Variants in GRID1 observed in about 807,000 individuals in gnomAD.
The protein encoded by GRID1 is glutamate receptor ionotropic, delta-1.
Under a neutral mutation model 98.0 loss-of-function variants are expected in GRID1, and 28 were observed. That is an observed-to-expected ratio of 0.29 (90% CI 0.21 to 0.39). GRID1 has a LOEUF of 0.39. Ranked by LOEUF, GRID1 falls within the 10% of genes least tolerant of loss-of-function variation. The pLI, the probability that GRID1 is intolerant of heterozygous loss-of-function variation, is 1.00. For missense variants in GRID1, 1,111 were observed against 1,340.5 expected, an observed-to-expected ratio of 0.83 and a Z score of 2.67; for synonymous variants, 553 against 538.5, an observed-to-expected ratio of 1.03 and a Z score of -0.37.
chr10:85,726,790 T>C (rs1307028328), intron 10 of GRID1, among the ~76,000 whole-genome samples: 1 of 152,174 alleles, frequency 6.6e-6, no homozygotes, highest in Non-Finnish European at 1.5e-5. Context: ...TATAAGTAGG[T>C]ATGAAAGATA....
intron 2 of GRID1, among the ~76,000 whole-genome samples, chr10:86,217,823 G>A (rs1243281882): frequency 6.6e-6 from 1 of 152,118 alleles, no homozygotes; most frequent in Non-Finnish European, 1.5e-5. Flanking sequence ...CCACTGAGAA[G>A]CCCATGAAGG....
intron 4 of GRID1, among the ~76,000 whole-genome samples, chr10:86,127,254 G>A (rs1336031314): frequency 6.6e-6 from 1 of 152,180 alleles, no homozygotes; most frequent in Non-Finnish European, 1.5e-5. Flanking sequence ...CTCCCCCAAA[G>A]CACCCAGTGT....
chr10:86,315,038 T>C lies in GRID1; in HGVS notation c.235+48903A>G, dbSNP rs148661027. Among the ~76,000 whole-genome samples the C allele has an allele frequency of 3.7e-3, 560 of 152,166 alleles. 4 individuals are homozygous for C. Among genetic ancestry groups the C allele is most frequent in the African/African-American group, 0.013 (540 of 41,500 alleles). On this transcript the variant is annotated intron_variant, in intron 2 of 15. Coordinates refer to ENST00000327946, the MANE Select transcript of GRID1 (RefSeq NM_017551.3). ...CGCCCACTGCTGGCATCCGATCCTGTTGTGCCGCACCCAGTTCAGAGCCGC... is the reference window on the plus strand; with the variant it reads ...CGCCCACTGCTGGCATCCGATCCTGCTGTGCCGCACCCAGTTCAGAGCCGC...
intron 4 of GRID1, among the ~76,000 whole-genome samples, chr10:86,127,787 G>A (rs1232717182): frequency 6.6e-6 from 1 of 152,054 alleles, no homozygotes; most frequent in African/African-American, 2.4e-5. Context: ...CTGCCAGGCT[G>A]GCCACAGCTC....
At chr10:86,180,762 C>T (rs1428546489) in intron 3 of GRID1, among the ~76,000 whole-genome samples, 5 of 152,162 alleles carry the variant, frequency 3.3e-5, no homozygotes, top group African/African-American at 7.2e-5. Context: ...CCACCACCTG[C>T]GGCCAGGCCC....
intron 4 of GRID1, among the ~76,000 whole-genome samples, chr10:86,116,401 C>G (rs2131955781): frequency 6.6e-6 from 1 of 152,314 alleles, no homozygotes; most frequent in Admixed American, 6.5e-5. Context: ...CAAGGCTGCT[C>G]TCTCCCGCAA....
chr10:85,786,762 C>A (rs1195622923), intron 8 of GRID1, among the ~76,000 whole-genome samples: 1 of 152,218 alleles, frequency 6.6e-6, no homozygotes, highest in Admixed American at 6.5e-5. Flanking sequence ...CCCGCCAGGA[C>A]CCGGCTGATA....
chr10:85,976,807 T>C (rs560643137), intron 4 of GRID1, among the ~76,000 whole-genome samples: 1 of 152,342 alleles, frequency 6.6e-6, no homozygotes, highest in African/African-American at 2.4e-5. Flanking sequence ...GGACTGACAG[T>C]CTTCAAAGGC....
At position 85,763,674 on chromosome 10, in the gene GRID1, C is replaced by T. The variant is rs763943539; in HGVS notation, c.1234-34060G>A. Among the ~76,000 whole-genome samples the T allele has an allele frequency of 3.7e-4, 56 of 152,234 alleles. No individual in the cohort carries two copies. In the Middle Eastern group the frequency reaches 0.01, roughly 28 times the overall value. ...GCACTCACATGGTGATGCAGGTATC[C>T]CTCCTATTTTTAAGCAGTGTCCTCT... On this transcript the variant is annotated intron_variant, in intron 8 of 15. Transcript: ENST00000327946.
intron 4 of GRID1, among the ~76,000 whole-genome samples, chr10:86,012,800 C>T (rs1221901647): frequency 6.6e-6 from 1 of 152,206 alleles, no homozygotes. Flanking sequence ...TCAGCAGACG[C>T]TGAATCTGCT....
At chr10:86,093,322 G>C (rs1337900570) in intron 4 of GRID1, among the ~76,000 whole-genome samples, 1 of 150,302 alleles carries the variant, frequency 6.7e-6, no homozygotes, top group African/African-American at 2.4e-5. Context: ...CAAGGAACTA[G>C]AGAAACAAGA....
chr10:86,268,331 C>G (rs1226300852), intron 2 of GRID1, among the ~76,000 whole-genome samples: 1 of 152,266 alleles, frequency 6.6e-6, no homozygotes, highest in African/African-American at 2.4e-5. Context: ...CCCGGTTCCT[C>G]TCTACCGGTA....
intron 1 of GRID1, among the ~76,000 whole-genome samples, chr10:86,364,944 G>A (rs1848653756): frequency 6.6e-6 from 1 of 152,162 alleles, no homozygotes; most frequent in South Asian, 2.1e-4. Context: ...GCCGAGATCA[G>A]TGCGACCAGC....
intron 8 of GRID1, among the ~76,000 whole-genome samples, chr10:85,802,473 T>C (rs1471521720): frequency 6.6e-6 from 1 of 152,050 alleles, no homozygotes; most frequent in Non-Finnish European, 1.5e-5. Context: ...TGATAAATCA[T>C]TAGGCAAAGG....
intron 2 of GRID1, among the ~76,000 whole-genome samples, chr10:86,234,262 G>A (rs1289654883): frequency 2.0e-5 from 3 of 152,198 alleles, no homozygotes; most frequent in African/African-American, 7.2e-5. Context: ...GAAGTGGCCA[G>A]CTTTCAGGGT....
intron 8 of GRID1, among the ~76,000 whole-genome samples, chr10:85,760,991 A>G (rs958661396): frequency 3.3e-5 from 5 of 152,202 alleles, no homozygotes; most frequent in South Asian, 2.1e-4. Flanking sequence ...TGAGAACCCA[A>G]TAACAGCACC....
chr10:86,085,448 C>T (rs779544615), intron 4 of GRID1, among the ~76,000 whole-genome samples: 11 of 152,164 alleles, frequency 7.2e-5, no homozygotes, highest in Admixed American at 3.9e-4. Context: ...CAGGAAAGGT[C>T]GAGAGAGCAC....
At chr10:85,854,675 AAGGCTAAG>A (rs1843092252) in intron 7 of GRID1, 60 bp from the exon 8 acceptor site, 1 of 1,590,298 alleles carries the variant, frequency 6.3e-7, no homozygotes, top group Admixed American at 1.7e-5. Context: ...TGGAGTCCCA[AAGGCTAAG>A]AGGAGCAAGG....
At chr10:86,244,382 C>T (rs1424894589) in intron 2 of GRID1, among the ~76,000 whole-genome samples, 2 of 152,214 alleles carry the variant, frequency 1.3e-5, no homozygotes, top group East Asian at 3.8e-4. Context: ...AGGCAGGCGC[C>T]AGAACAGGAA....
Sources: gnomAD v4.1 joint callset for allele counts (sites outside exome capture counted in the v4.1 genomes callset) on GRCh38, gnomAD v4.1.1 for gene constraint, MANE v1.5 for transcripts, NCBI Gene and HGNC (gene_info 2026-07-23, HGNC 2026-07-21) for gene names.